The following RNF130 variants were observed in gnomAD, a reference collection of about 807,000 sequenced individuals.
RNF130 encodes the protein ring finger protein 130, also known as E3 ubiquitin-protein ligase RNF130.
RNF130 carries 21 observed loss-of-function variants against 44.6 expected under a neutral mutation model. The observed-to-expected ratio is 0.47, with a 90% confidence interval of 0.33 to 0.68. The LOEUF is 0.68. Among genes scored for constraint, RNF130 ranks in the 30% least tolerant of loss-of-function variants. RNF130 has a pLI of 0.02. For synonymous variants in RNF130, 214 were observed against 210.4 expected (o/e 1.02, Z -0.15); for missense variants, 479 against 560.6 (o/e 0.85, Z 1.47).
chr5:180,033,376 A>C (rs1267642083), intron 2 of RNF130, among the ~76,000 whole-genome samples: 1 of 152,214 alleles, frequency 6.6e-6, no homozygotes, highest in African/African-American at 2.4e-5. Flanking sequence ...GGCTATTGAG[A>C]ATGAACTCTT....
At chr5:180,032,067 G>T (rs1277555504) in intron 2 of RNF130, among the ~76,000 whole-genome samples, 1 of 152,092 alleles carries the variant, frequency 6.6e-6, no homozygotes, top group African/African-American at 2.4e-5. Context: ...TGTTTATCTT[G>T]TTGATTTATA....
intron 1 of RNF130, among the ~76,000 whole-genome samples, chr5:180,044,388 G>A (rs1764506147): frequency 6.6e-6 from 1 of 151,798 alleles, no homozygotes; most frequent in Non-Finnish European, 1.5e-5. Context: ...GAGTCCAAAA[G>A]TATTAAAAGT....
At chr5:180,000,199 T>C (rs1763301271) in intron 3 of RNF130, among the ~76,000 whole-genome samples, 1 of 152,222 alleles carries the variant, frequency 6.6e-6, no homozygotes, top group Admixed American at 6.5e-5. Context: ...GGCTGGCAAT[T>C]TTCTGCTTTA....
intron 2 of RNF130, 150 bp from the exon 3 acceptor site, chr5:180,013,461 C>T: frequency 1.5e-6 from 1 of 676,846 alleles, no homozygotes; most frequent in African/African-American, 1.8e-5. Context: ...GTAGATGCAG[C>T]TGGGTATGCT....
At chr5:179,971,768 T>C (rs1029545479) in intron 5 of RNF130, among the ~76,000 whole-genome samples, 5 of 152,226 alleles carry the variant, frequency 3.3e-5, no homozygotes, top group African/African-American at 9.7e-5. Flanking sequence ...TTTACAGCTG[T>C]TTAAAAATGC....
rs73348244 is a variant in RNF130, at chr5:179,985,653, T to A, written c.694-5453A>T. On this transcript the variant is annotated intron_variant, in intron 3 of 8. Transcript: ENST00000521389. ...AGGGTTCCCACTATTCGGTCCTCCCTGTTTTGCAATTAAAAACCGGCAGAT... is the reference window on the plus strand; with the variant it reads ...AGGGTTCCCACTATTCGGTCCTCCCAGTTTTGCAATTAAAAACCGGCAGAT... Among the ~76,000 whole-genome samples, 300 of 152,340 alleles carry A rather than the reference T, an allele frequency of 2.0e-3. 3 individuals carry two copies. The highest frequency in any genetic ancestry group is 7.1e-3 in the African/African-American group (295 of 41,578).
Position 180,071,661 on chromosome 5 carries a change from C to A in RNF130, c.42G>T (p.Ala14=). Residue 14 remains alanine, a synonymous_variant, in exon 1 of 9, where the codon GCG becomes GCT. Coordinates refer to ENST00000521389, the MANE Select transcript of RNF130 (RefSeq NM_018434.6). ...ACAGGCTGCAGGTCAGCAGGGCGAG[C>A]GCGGCGAGCCGGGCAGGGCCCGCCC... ...AGRAGPARLA[A]LALLTCSLWP... is the part of the protein sequence containing the mutation. 4 of 1,433,144 alleles carry A rather than the reference C, an allele frequency of 2.8e-6. No homozygotes were observed. Among genetic ancestry groups the A allele is most frequent in the Non-Finnish European group, 3.7e-6 (4 of 1,090,462 alleles). 88.8% of individuals were successfully genotyped at this position (1,433,144 alleles called of 1,614,324 possible). A position where few individuals can be genotyped will look rare whatever the true frequency, so the allele number is the denominator to read the frequency against.
intron 5 of RNF130, chr5:179,976,700 T>G (rs1022028921): frequency 5.9e-5 from 9 of 152,100 alleles, no homozygotes; most frequent in African/African-American, 1.9e-4. Flanking sequence ...GATTTTTTTT[T>G]TTTTTTTAAA....
At chr5:179,949,864 T>C (rs771376339) in intron 7 of RNF130, among the ~76,000 whole-genome samples, 3 of 152,212 alleles carry the variant, frequency 2.0e-5, no homozygotes, top group Non-Finnish European at 2.9e-5. Flanking sequence ...AGGAGCAATC[T>C]GTAATCAATC....
At position 179,955,636 on chromosome 5, in the gene RNF130, A is replaced by G. The variant is rs765547987; in HGVS notation, c.*18T>C. 17 of 1,585,054 alleles carry G rather than the reference A, an allele frequency of 1.1e-5. No individual in the cohort carries two copies. Among genetic ancestry groups the G allele is most frequent in the Non-Finnish European group, 1.4e-5 (16 of 1,166,588 alleles). On this transcript the variant is annotated 3_prime_UTR_variant, in exon 9 of 9. Coordinates refer to ENST00000521389, the MANE Select transcript of RNF130 (RefSeq NM_018434.6). Reference sequence around the variant, plus strand: ...TTCCTTCAAGGCAAAATCAGTCAGAAAGCAGGTTTTTTCTTCTTCAAAACC... The same window carrying G: ...TTCCTTCAAGGCAAAATCAGTCAGAGAGCAGGTTTTTTCTTCTTCAAAACC...
chr5:180,003,695 T>TA (rs146596862), intron 3 of RNF130, among the ~76,000 whole-genome samples: 74 of 152,256 alleles, frequency 4.9e-4, no homozygotes, highest in Middle Eastern at 3.4e-3. Context: ...ACTATTTTTT[T>TA]AAAATTTTTC....
intron 3 of RNF130, among the ~76,000 whole-genome samples, chr5:180,002,922 G>GTTA (rs1248458464): frequency 2.0e-4 from 31 of 151,946 alleles, no homozygotes; most frequent in South Asian, 1.0e-3. Context: ...GATCTGGGTT[G>GTTA]TTATTATTAT....
chr5:179,932,873 G>T (rs1036108465), intron 7 of RNF130, among the ~76,000 whole-genome samples: 1 of 152,064 alleles, frequency 6.6e-6, no homozygotes, highest in Non-Finnish European at 1.5e-5. Flanking sequence ...ATTCACAAAA[G>T]AAATTAACCT....
In RNF130 at chr5:180,013,123, C is replaced by T. The variant is rs745376454; in HGVS notation, c.631G>A (p.Ala211Thr). Residue 211 changes from alanine to threonine, a missense_variant, in exon 3 of 9, where the codon GCA becomes ACA. Ala to Thr is a moderately conservative substitution (Grantham distance 58). This residue lies in a region of RNF130 where 180 missense variants were observed against 275.1 expected (regional missense o/e 0.65). Coordinates refer to ENST00000521389, the MANE Select transcript of RNF130 (RefSeq NM_018434.6). ...SFIVLMIISS[A>T]WLIFYFIQKI... ...TGAATGAAGTAGAATATGAGCCATGCTGAAGAAATAATCATCAAAACAATA... is the reference window on the plus strand; with the variant it reads ...TGAATGAAGTAGAATATGAGCCATGTTGAAGAAATAATCATCAAAACAATA... The T allele has an allele frequency of 8.7e-6, 14 of 1,614,008 alleles. No homozygotes were observed. The East Asian group carries it at 2.0e-4, about 23-fold the overall frequency.
intron 3 of RNF130, among the ~76,000 whole-genome samples, chr5:179,990,128 G>A (rs1004870063): frequency 7.2e-5 from 11 of 152,226 alleles, no homozygotes; most frequent in South Asian, 2.1e-4. Context: ...AGCTGGGCCC[G>A]GGGGACCACT....
chr5:179,916,242 G>C (rs1426291075), exon 8 of RNF130: 1 of 152,106 alleles, frequency 6.6e-6, no homozygotes, highest in Non-Finnish European at 1.5e-5. Flanking sequence ...GTTAAAACTA[G>C]CTTCAGCCGG....
chr5:180,037,566 G>A (rs1183933759), intron 2 of RNF130, among the ~76,000 whole-genome samples: 5 of 152,212 alleles, frequency 3.3e-5, no homozygotes. Flanking sequence ...CTGTAGGCCA[G>A]CAACATCAGT....
chr5:180,071,413 G>T, intron 1 of RNF130, 43 bp downstream of exon 1: 2 of 1,230,640 alleles, frequency 1.6e-6, no homozygotes, highest in South Asian at 3.9e-5. Context: ...CGCCTACGCG[G>T]GATGCAGCGA....
chr5:180,036,691 C>T (rs951356241), intron 2 of RNF130, among the ~76,000 whole-genome samples: 2 of 152,174 alleles, frequency 1.3e-5, no homozygotes, highest in Admixed American at 6.5e-5. Context: ...CTCTTCACTT[C>T]GTCTTAACCG....
Sources: allele counts gnomAD v4.1 joint callset (sites outside exome capture counted in the v4.1 genomes callset), GRCh38; gene constraint gnomAD v4.1.1; regional missense constraint gnomAD v4.1.1; transcripts MANE v1.5; gene names NCBI Gene and HGNC (gene_info 2026-07-23, HGNC 2026-07-21).